The following ACBD6 variants were observed in gnomAD, a reference collection of about 807,000 sequenced individuals.
The protein encoded by ACBD6 is acyl-CoA-binding domain-containing protein 6.
A neutral mutation model predicts 37.2 loss-of-function variants in ACBD6; 28 were observed. The observed-to-expected ratio is 0.75, with a 90% CI of 0.56 to 1.03. The LOEUF is 1.03. ACBD6 is among the 50% of genes least tolerant of loss of function. ACBD6 has a pLI of 0.00. For synonymous variants in ACBD6, 113 were observed against 126.8 expected, an observed-to-expected ratio of 0.89 and a Z score of 0.73; for missense variants, 340 against 337.4, an observed-to-expected ratio of 1.01 and a Z score of -0.06.
At chr1:180,299,174 T>G (rs574482181) in intron 7 of ACBD6, among the ~76,000 whole-genome samples, 1 of 152,254 alleles carries the variant, frequency 6.6e-6, no homozygotes, top group Admixed American at 6.5e-5. Context: ...TTCTCTGCCT[T>G]TGGCATGTTC....
intron 7 of ACBD6, among the ~76,000 whole-genome samples, chr1:180,300,148 C>T (rs1650075735): frequency 6.6e-6 from 1 of 152,112 alleles, no homozygotes; most frequent in Non-Finnish European, 1.5e-5. Flanking sequence ...AACCATAATT[C>T]ATAAAAAATA....
intron 6 of ACBD6, among the ~76,000 whole-genome samples, chr1:180,342,288 T>C (rs1208460650): frequency 6.6e-6 from 1 of 152,158 alleles, no homozygotes; most frequent in Non-Finnish European, 1.5e-5. Context: ...AAAGGATCAG[T>C]CTTTAAAAAA....
intron 6 of ACBD6, among the ~76,000 whole-genome samples, chr1:180,346,550 G>C (rs985135115): frequency 6.6e-6 from 1 of 152,150 alleles, no homozygotes; most frequent in Non-Finnish European, 1.5e-5. Flanking sequence ...TGCCTAAGGA[G>C]AGGGATGGTG....
intron 3 of ACBD6, among the ~76,000 whole-genome samples, chr1:180,485,750 A>G (rs1477398732): frequency 6.6e-6 from 1 of 152,158 alleles, no homozygotes; most frequent in Non-Finnish European, 1.5e-5. Context: ...CACTGCTTGA[A>G]ACGTCTTGTG....
intron 9 of ACBD6, chr1:180,278,977 T>A (rs1038829715): frequency 1.1e-4 from 17 of 152,312 alleles, no homozygotes; most frequent in Middle Eastern, 3.4e-3. Flanking sequence ...ATATGGAAAT[T>A]CTTTAGATGC....
intron 5 of ACBD6, among the ~76,000 whole-genome samples, chr1:180,411,297 AGGGTTTG>A: frequency 6.6e-6 from 1 of 152,370 alleles, no homozygotes; most frequent in Middle Eastern, 3.4e-3. Flanking sequence ...AAGCAGTGGC[AGGGTTTG>A]AAAGGATTGA....
chr1:180,390,577 T>G (rs1373899131), intron 6 of ACBD6, among the ~76,000 whole-genome samples: 1 of 152,176 alleles, frequency 6.6e-6, no homozygotes, highest in Non-Finnish European at 1.5e-5. Flanking sequence ...GCATTGAATC[T>G]ATAAATTACC....
chr1:180,306,017 A>G (rs770234901), intron 7 of ACBD6, among the ~76,000 whole-genome samples: 1 of 148,768 alleles, frequency 6.7e-6, no homozygotes, highest in Middle Eastern at 3.2e-3. Flanking sequence ...CAAACACCGC[A>G]TATTCTCACT....
At chr1:180,336,880 C>G (rs1327265158) in intron 6 of ACBD6, among the ~76,000 whole-genome samples, 1 of 152,172 alleles carries the variant, frequency 6.6e-6, no homozygotes, top group African/African-American at 2.4e-5. Flanking sequence ...ATAAACACCT[C>G]TATGCAAATA....
chr1:180,347,549 G>C (rs1185943796), intron 6 of ACBD6, among the ~76,000 whole-genome samples: 1 of 151,846 alleles, frequency 6.6e-6, no homozygotes, highest in Non-Finnish European at 1.5e-5. Flanking sequence ...TAGAAACAGG[G>C]TTTCACCATG....
intron 5 of ACBD6, among the ~76,000 whole-genome samples, chr1:180,410,313 G>T (rs1353385301): frequency 2.6e-5 from 4 of 152,220 alleles, no homozygotes; most frequent in Admixed American, 6.5e-5. Context: ...AACCGATAAA[G>T]GTGACTACAC....
At chr1:180,318,170 C>CT (rs201604947) in intron 6 of ACBD6, among the ~76,000 whole-genome samples, 14 of 93,704 alleles carry the variant, frequency 1.5e-4, no homozygotes, top group African/African-American at 8.9e-4. Flanking sequence ...TCCGCCCCCC[C>CT]CCCCCAAAAA....
At position 180,337,563 on chromosome 1, in the gene ACBD6, A is replaced by T. The variant is rs1651790446; in HGVS notation, c.664-22841T>A. Among the ~76,000 whole-genome samples, 5 of 152,300 alleles carry T rather than the reference A, an allele frequency of 3.3e-5. No individual in the cohort carries two copies. In the South Asian group the frequency reaches 1.0e-3, roughly 32 times the overall value. On this transcript the variant is annotated intron_variant, in intron 6 of 7. Coordinates refer to ENST00000367595, the MANE Select transcript of ACBD6 (RefSeq NM_032360.4). ...GCCAATATCATACTGAATGGGCAAAAACTGGAAGCATTCCCTTTGAAAATG... is the reference window on the plus strand; with the variant it reads ...GCCAATATCATACTGAATGGGCAAATACTGGAAGCATTCCCTTTGAAAATG...
chr1:180,467,713 C>T (rs535119317), intron 3 of ACBD6, among the ~76,000 whole-genome samples: 1 of 152,212 alleles, frequency 6.6e-6, no homozygotes, highest in African/African-American at 2.4e-5. Context: ...CTGACCTACA[C>T]TTTATCTCAT....
chr1:180,377,620 T>C (rs1162731844), intron 6 of ACBD6, among the ~76,000 whole-genome samples: 8 of 152,124 alleles, frequency 5.3e-5, no homozygotes, highest in Non-Finnish European at 1.0e-4. Context: ...CAATAACAAC[T>C]GTTGGAGACA....
chr1:180,274,489 T>C, intron 10 of ACBD6: 1 of 1,613,914 alleles, frequency 6.2e-7, no homozygotes, highest in East Asian at 2.2e-5. Flanking sequence ...GACCCACCTC[T>C]GACATCTCCA....
intron 3 of ACBD6, among the ~76,000 whole-genome samples, chr1:180,468,983 C>T (rs568253567): frequency 1.3e-5 from 2 of 152,340 alleles, no homozygotes; most frequent in South Asian, 2.1e-4. Flanking sequence ...CTTGCCATCA[C>T]CTCTATCTAT....
intron 6 of ACBD6, among the ~76,000 whole-genome samples, chr1:180,362,809 T>C (rs1359143058): frequency 6.6e-6 from 1 of 151,992 alleles, no homozygotes; most frequent in African/African-American, 2.4e-5. Context: ...AAGCTAAACA[T>C]GGAAGGAAGT....
intron 6 of ACBD6, among the ~76,000 whole-genome samples, chr1:180,380,598 A>C (rs1326742502): frequency 7.3e-6 from 1 of 137,912 alleles, no homozygotes; most frequent in Non-Finnish European, 1.6e-5. Flanking sequence ...AACATGCTGT[A>C]TAGGTTTTTA....
Sources: gnomAD v4.1 joint callset for allele counts (sites outside exome capture counted in the v4.1 genomes callset) on GRCh38, gnomAD v4.1.1 for gene constraint, MANE v1.5 for transcripts, NCBI Gene and HGNC (gene_info 2026-07-23, HGNC 2026-07-21) for gene names.